CADM1: variants seen among roughly 807,000 people sequenced by gnomAD.
CADM1 encodes the protein TSLC-1.
In CADM1, 15 loss-of-function variants were observed where a neutral mutation model predicts 53.1. The observed-to-expected ratio is 0.28, with a 90% CI of 0.19 to 0.44. The LOEUF is 0.44. CADM1 is among the 20% of genes least tolerant of loss of function. The pLI, the probability that CADM1 is intolerant of heterozygous loss-of-function variation, is 1.00. For missense variants in CADM1, 434 were observed against 611.3 expected (o/e 0.71, Z 3.06); for synonymous variants, 281 against 243.0 (o/e 1.16, Z -1.45).
chr11:115,454,861 T>C (rs1948649515), intron 1 of CADM1, among the ~76,000 whole-genome samples: 1 of 152,228 alleles, frequency 6.6e-6, no homozygotes, highest in East Asian at 1.9e-4. Context: ...ATATTGTATA[T>C]CTGTCCATCT....
intron 1 of CADM1, among the ~76,000 whole-genome samples, chr11:115,464,279 TAA>T (rs1415642727): frequency 6.6e-6 from 1 of 152,206 alleles, no homozygotes; most frequent in Admixed American, 6.5e-5. Context: ...TTAAAAAATA[TAA>T]AAGTCTATTC....
At chr11:115,328,000 G>A (rs1303431332) in intron 1 of CADM1, among the ~76,000 whole-genome samples, 2 of 151,598 alleles carry the variant, frequency 1.3e-5, no homozygotes, top group African/African-American at 4.8e-5. Flanking sequence ...CAGCTCTACC[G>A]CTCTACAAAG....
intron 1 of CADM1, among the ~76,000 whole-genome samples, chr11:115,400,132 C>T (rs1191655367): frequency 6.6e-6 from 1 of 151,976 alleles, no homozygotes; most frequent in African/African-American, 2.4e-5. Flanking sequence ...ACTTAGATGC[C>T]AACTAGGTCT....
At chr11:115,461,995 G>A (rs1168537348) in intron 1 of CADM1, among the ~76,000 whole-genome samples, 4 of 152,130 alleles carry the variant, frequency 2.6e-5, no homozygotes, top group African/African-American at 7.2e-5. Flanking sequence ...GCAAATAACC[G>A]AGGACAAAAC....
chr11:115,256,116 T>C (rs931195813), intron 1 of CADM1, among the ~76,000 whole-genome samples: 7 of 152,170 alleles, frequency 4.6e-5, no homozygotes, highest in African/African-American at 1.7e-4. Flanking sequence ...AAAGCAAGTG[T>C]TCCAAAATGA....
chr11:115,345,189 C>CA (rs1945545095), intron 1 of CADM1, among the ~76,000 whole-genome samples: 1 of 152,144 alleles, frequency 6.6e-6, no homozygotes, highest in Non-Finnish European at 1.5e-5. Context: ...GACCAAAGAA[C>CA]ATGAGGAGAA....
chr11:115,429,068 G>C (rs920846949), intron 1 of CADM1, among the ~76,000 whole-genome samples: 1 of 152,060 alleles, frequency 6.6e-6, no homozygotes, highest in African/African-American at 2.4e-5. Flanking sequence ...AAAGGATGAC[G>C]AGCTGTCACC....
At chr11:115,211,442 G>GGA (rs1177674057) in intron 7 of CADM1, among the ~76,000 whole-genome samples, 1 of 151,528 alleles carries the variant, frequency 6.6e-6, no homozygotes, top group Non-Finnish European at 1.5e-5. Flanking sequence ...TTTGTTCCTG[G>GGA]GAGATTTCCC....
intron 1 of CADM1, among the ~76,000 whole-genome samples, chr11:115,458,609 A>C (rs1477084093): frequency 6.6e-6 from 1 of 151,608 alleles, no homozygotes. Context: ...TCCACTGGAA[A>C]GTCCTATATA....
rs1490883782 is a variant in CADM1, at chr11:115,169,396, CTGTGT to C, written c.*7073_*7077del. 2.6e-5 allele frequency: 9 copies of C among 341,610 alleles called. No individual in the cohort carries two copies. The highest frequency in any genetic ancestry group is 1.1e-4 in the African/African-American group (5 of 46,480). The allele number at this position is 341,610 out of a possible 1,614,324, so 21.2% of individuals were successfully genotyped here. On this transcript the variant is annotated 3_prime_UTR_variant, in exon 12 of 12. Coordinates refer to ENST00000331581, the MANE Select transcript of CADM1 (RefSeq NM_001301043.2). The stretch of plus-strand genomic sequence containing the variant: ...AGCATCTCCCGGGCTACATTTCTGG[CTGTGT>C]TAAGAATCAAGCCATCAAGAACAGC...
chr11:115,257,446 C>G (rs1942827399), intron 1 of CADM1, among the ~76,000 whole-genome samples: 1 of 152,172 alleles, frequency 6.6e-6, no homozygotes, highest in Non-Finnish European at 1.5e-5. Context: ...CTGGAAGCTT[C>G]CTGACATGTC....
At chr11:115,249,212 T>C (rs768410168) in intron 1 of CADM1, among the ~76,000 whole-genome samples, 6 of 152,264 alleles carry the variant, frequency 3.9e-5, no homozygotes, top group African/African-American at 7.2e-5. Flanking sequence ...TGAAGGCCAA[T>C]TGTTGATCTT....
At chr11:115,284,551 A>G (rs914975044) in intron 1 of CADM1, among the ~76,000 whole-genome samples, 23 of 151,864 alleles carry the variant, frequency 1.5e-4, no homozygotes, top group Admixed American at 4.6e-4. Flanking sequence ...AGAGGAAGAT[A>G]GTTTTCAAAA....
rs113449838 is a variant in CADM1 at position 115,412,680 on chromosome 11, G to A, written c.124+91591C>T. ...AGGAGGGCTGTGCCACTTTTGTGCC[G>A]ACTACCTCACTGGAGTTACAAATGC... On this transcript the variant is annotated intron_variant, in intron 1 of 11. Transcript: ENST00000331581. Among the ~76,000 whole-genome samples the A allele has an allele frequency of 4.9e-3, 745 of 152,214 alleles. 5 individuals carry two copies. The highest frequency in any genetic ancestry group is 0.017 in the African/African-American group (702 of 41,532).
intron 1 of CADM1, among the ~76,000 whole-genome samples, chr11:115,394,038 T>A (rs1375906394): frequency 1.3e-5 from 2 of 152,160 alleles, no homozygotes; most frequent in Admixed American, 6.5e-5. Flanking sequence ...ACAGGTAGAG[T>A]AATCATTTTG....
intron 1 of CADM1, among the ~76,000 whole-genome samples, chr11:115,311,493 T>A (rs1011425392): frequency 6.6e-6 from 1 of 152,088 alleles, no homozygotes; most frequent in Non-Finnish European, 1.5e-5. Context: ...CTGCCCCTAG[T>A]GTAGACCGTG....
At chr11:115,306,815 A>T (rs533942149) in intron 1 of CADM1, among the ~76,000 whole-genome samples, 2 of 152,036 alleles carry the variant, frequency 1.3e-5, no homozygotes, top group African/African-American at 4.8e-5. Flanking sequence ...ATTCACAGAC[A>T]TGTCAATGTC....
intron 1 of CADM1, among the ~76,000 whole-genome samples, chr11:115,484,967 G>T (rs1317199488): frequency 2.0e-5 from 3 of 149,986 alleles, no homozygotes; most frequent in South Asian, 2.1e-4. Flanking sequence ...AAAAAGAAAA[G>T]AAAAAACAAC....
At chr11:115,468,332 A>G (rs1948939203) in intron 1 of CADM1, among the ~76,000 whole-genome samples, 1 of 152,222 alleles carries the variant, frequency 6.6e-6, no homozygotes, top group Non-Finnish European at 1.5e-5. Context: ...GGTGCACTGG[A>G]AAGAAAAAAG....
Sources: gnomAD v4.1 joint callset for allele counts (sites outside exome capture counted in the v4.1 genomes callset) on GRCh38, gnomAD v4.1.1 for gene constraint, MANE v1.5 for transcripts, NCBI Gene and HGNC (gene_info 2026-07-23, HGNC 2026-07-21) for gene names.